SMPD2: variants seen among roughly 807,000 people sequenced by gnomAD.
SMPD2 encodes the protein N-SMase.
In SMPD2, 35 loss-of-function variants were observed where a neutral mutation model predicts 41.7. The ratio of observed to expected loss-of-function variants is 0.84; its 90% CI spans 0.64 to 1.11. SMPD2 has a LOEUF of 1.11. Ranked by LOEUF, SMPD2 falls within the 50% of genes most tolerant of loss-of-function variation. The pLI, the probability that SMPD2 is intolerant of heterozygous loss-of-function variation, is 0.00. For synonymous variants in SMPD2, 201 were observed against 208.2 expected (o/e 0.97, Z 0.30); for missense variants, 520 against 524.8 (o/e 0.99, Z 0.09).
In SMPD2 at chr6:109,443,626, T is replaced by C; in HGVS notation, c.993T>C (p.Ile331=). Residue 331 remains isoleucine (I), a synonymous_variant, in exon 10 of 10, where the codon ATT becomes ATC. Coordinates refer to ENST00000258052, the MANE Select transcript of SMPD2 (RefSeq NM_003080.3). Reference sequence around the variant, plus strand: ...GGGCCACCTTCGCTAGCTATGTGATTGGCCTGGGGCTGCTTCTCCTGGCAC... The same window carrying C: ...GGGCCACCTTCGCTAGCTATGTGATCGGCCTGGGGCTGCTTCTCCTGGCAC... ...RWWATFASYV[I]GLGLLLLALL... 5.0e-6 allele frequency: 8 copies of C among 1,613,938 alleles called. No individual in the cohort carries two copies. Among genetic ancestry groups the C allele is most frequent in the Non-Finnish European group, 6.8e-6 (8 of 1,179,940 alleles).
rs576982161 is a variant in SMPD2, at chr6:109,442,634, G to C, written c.491+9G>C. The stretch of plus-strand genomic sequence containing the variant: ...TTGGCCCAGTTCATCCAGTGTGTGA[G>C]CCTGGGCTTGAAATGGGAAGTGGGA... On this transcript the variant is annotated intron_variant, in intron 6 of 9. Coordinates refer to ENST00000258052, the MANE Select transcript of SMPD2 (RefSeq NM_003080.3). 2 of 1,614,196 alleles carry C rather than the reference G, an allele frequency of 1.2e-6. No homozygotes were observed. Among genetic ancestry groups the C allele is most frequent in the South Asian group, 2.2e-5 (2 of 91,080 alleles).
Sources: allele counts gnomAD v4.1 joint callset, GRCh38; gene constraint gnomAD v4.1.1; transcripts MANE v1.5; gene names NCBI Gene and HGNC (gene_info 2026-07-23, HGNC 2026-07-21).